WDR17: variants seen among roughly 807,000 people sequenced by gnomAD.
WDR17 encodes WD repeat domain 17.
In WDR17, 143 loss-of-function variants were observed where a neutral mutation model predicts 161.7. That is an observed-to-expected ratio of 0.88 (90% CI 0.77 to 1.02). The LOEUF (loss-of-function observed/expected upper bound fraction) is 1.02, where lower values mean the gene tolerates loss of function less well. Ranked by LOEUF, WDR17 falls within the 50% of genes least tolerant of loss-of-function variation. The pLI is 0.00. For synonymous variants in WDR17, 517 were observed against 515.6 expected (o/e 1.00, Z -0.04); for missense variants, 1,469 against 1,520.9 (o/e 0.97, Z 0.57).
chr4:176,101,475 A>G (rs1737818703), intron 1 of WDR17, among the ~76,000 whole-genome samples: 1 of 152,232 alleles, frequency 6.6e-6, no homozygotes, highest in Non-Finnish European at 1.5e-5. Flanking sequence ...AACCAGAGTC[A>G]GATACGACAG....
intron 1 of WDR17, among the ~76,000 whole-genome samples, chr4:176,077,983 AC>A (rs1734265273): frequency 6.6e-6 from 1 of 151,366 alleles, no homozygotes; most frequent in South Asian, 2.1e-4. Flanking sequence ...GCTTTCTGTC[AC>A]TAAATATTAG....
intron 18 of WDR17, among the ~76,000 whole-genome samples, chr4:176,156,687 A>T (rs1020102014): frequency 4.6e-5 from 7 of 152,080 alleles, no homozygotes; most frequent in Admixed American, 2.6e-4. Context: ...TAAAAAAAAA[A>T]AAAAAAATTA....
chr4:176,096,795 C>G (rs1309857302), intron 1 of WDR17, among the ~76,000 whole-genome samples: 1 of 151,688 alleles, frequency 6.6e-6, no homozygotes, highest in Non-Finnish European at 1.5e-5. Flanking sequence ...GCATTTTTTT[C>G]TATCCTAATT....
chr4:176,154,371 C>T (rs1747722650), intron 17 of WDR17, among the ~76,000 whole-genome samples: 2 of 152,080 alleles, frequency 1.3e-5, no homozygotes, highest in Non-Finnish European at 2.9e-5. Flanking sequence ...GTCCCAGCTA[C>T]TCAGGAGGCT....
At position 176,135,266 on chromosome 4, in the gene WDR17, T is replaced by C; in HGVS notation, c.1257T>C (p.Ser419=). The C allele has an allele frequency of 6.2e-7, 1 of 1,611,958 alleles. No homozygotes were observed. Among genetic ancestry groups the C allele is most frequent in the Non-Finnish European group, 8.5e-7 (1 of 1,178,314 alleles). Residue 419 remains serine (S), a synonymous_variant, in exon 8 of 29, where the codon TCT becomes TCC. Coordinates refer to ENST00000508596, the MANE Select transcript of WDR17 (RefSeq NM_181265.4). ...ATGAAGGTGTTATTTATTCCCTTTC[T>C]TGGGCTCCAGGTAAGAGATATTTTA... The part of the protein sequence containing the change: ...PGNEGVIYSL[S]WAPGGLNCIA...
intron 4 of WDR17, among the ~76,000 whole-genome samples, chr4:176,121,936 A>G (rs181114680): frequency 6.6e-6 from 1 of 152,350 alleles, no homozygotes. Flanking sequence ...AAGTGAAACC[A>G]TCTATACCCA....
chr4:176,174,433 CATAA>C (rs1399662037), intron 25 of WDR17, among the ~76,000 whole-genome samples, 180 bp from the exon 26 acceptor site: 1 of 152,030 alleles, frequency 6.6e-6, no homozygotes, highest in Non-Finnish European at 1.5e-5. Context: ...GATGGTATAG[CATAA>C]ATATCTGAAT....
At chr4:176,137,345 A>G (rs1408389421) in intron 8 of WDR17, among the ~76,000 whole-genome samples, 175 bp from the exon 9 acceptor site, 4 of 151,652 alleles carry the variant, frequency 2.6e-5, no homozygotes, top group African/African-American at 4.8e-5. Context: ...TGTGTAATGG[A>G]TACATTAACT....
intron 1 of WDR17, among the ~76,000 whole-genome samples, chr4:176,090,166 G>A (rs1050906051): frequency 6.6e-6 from 1 of 151,630 alleles, no homozygotes; most frequent in African/African-American, 2.4e-5. Context: ...TTTGGATCAT[G>A]GAGGCAGATC....
intron 1 of WDR17, among the ~76,000 whole-genome samples, chr4:176,107,461 T>C (rs940216248): frequency 2.0e-5 from 3 of 149,736 alleles, no homozygotes; most frequent in African/African-American, 7.4e-5. Context: ...AAGCAGGGTG[T>C]GGAAGAGATA....
At chr4:176,157,614 C>G (rs1206975788) in intron 18 of WDR17, among the ~76,000 whole-genome samples, 2 of 152,162 alleles carry the variant, frequency 1.3e-5, no homozygotes, top group Admixed American at 1.3e-4. Flanking sequence ...ATTTATTTCA[C>G]AAAATATTAT....
At chr4:176,175,080 A>G (rs1203363811) in intron 26 of WDR17, among the ~76,000 whole-genome samples, 1 of 152,170 alleles carries the variant, frequency 6.6e-6, no homozygotes, top group Non-Finnish European at 1.5e-5. Flanking sequence ...CCATGGTTAG[A>G]AGATAGATGC....
chr4:176,082,210 T>G (rs1316255581), intron 1 of WDR17, among the ~76,000 whole-genome samples: 1 of 152,094 alleles, frequency 6.6e-6, no homozygotes, highest in Non-Finnish European at 1.5e-5. Flanking sequence ...TATGTCACAT[T>G]AATGAGATAG....
chr4:176,085,433 T>C (rs1452154503), intron 1 of WDR17, among the ~76,000 whole-genome samples: 1 of 152,106 alleles, frequency 6.6e-6, no homozygotes, highest in Non-Finnish European at 1.5e-5. Context: ...TGAAACGATC[T>C]GGGCCTGGAA....
chr4:176,162,059 A>G lies in WDR17; in HGVS notation c.2751-16A>G, dbSNP rs779528764. ...ATACTTGTGTTTATATAGAATACAC[A>G]TTTTTTTCTTTCTAGACTCCTGCAC... On this transcript the variant is annotated splice_polypyrimidine_tract_variant and intron_variant, in intron 20 of 28. Coordinates refer to ENST00000508596, the MANE Select transcript of WDR17 (RefSeq NM_181265.4). 2 of 1,599,292 alleles carry G rather than the reference A, an allele frequency of 1.3e-6. No homozygotes were observed. The highest frequency in any genetic ancestry group is 2.7e-5 in the African/African-American group (2 of 74,142).
chr4:176,128,816 G>T lies in WDR17; in HGVS notation c.869G>T (p.Gly290Val). 1 of 1,604,460 alleles carries T rather than the reference G, an allele frequency of 6.2e-7. No individual in the cohort carries two copies. Among genetic ancestry groups the T allele is most frequent in the Non-Finnish European group, 8.5e-7 (1 of 1,175,658 alleles). Reference sequence around the variant, plus strand: ...GATAATCTTAAATTAAAGAAAACAGGATTTCACTGCTTACATGTACTTAAT... The same window carrying T: ...GATAATCTTAAATTAAAGAAAACAGTATTTCACTGCTTACATGTACTTAAT... ...PIDNLKLKKT[G>V]FHCLHVLNSP... The change falls in exon 6 of 29, where the codon GGA becomes GTA. Residue 290 changes from glycine to valine, a missense_variant. Gly to Val is a moderately radical substitution (Grantham distance 109, BLOSUM62 -3). Transcript: ENST00000508596.
intron 26 of WDR17, among the ~76,000 whole-genome samples, chr4:176,176,293 G>A (rs1413544815): frequency 1.3e-5 from 2 of 152,148 alleles, no homozygotes; most frequent in Non-Finnish European, 2.9e-5. Flanking sequence ...AAGAGAAATT[G>A]ATAATTTCCT....
chr4:176,097,961 C>T (rs1737170511), intron 1 of WDR17, among the ~76,000 whole-genome samples: 1 of 151,916 alleles, frequency 6.6e-6, no homozygotes, highest in African/African-American at 2.4e-5. Flanking sequence ...GGTTTTGAAA[C>T]ATACTAAAAG....
At chr4:176,145,382 T>C (rs1746003133) in intron 11 of WDR17, among the ~76,000 whole-genome samples, 1 of 152,208 alleles carries the variant, frequency 6.6e-6, no homozygotes, top group Admixed American at 6.5e-5. Flanking sequence ...TTCCAGGGGC[T>C]TCATAGTTGT....
Sources: allele counts gnomAD v4.1 joint callset (sites outside exome capture counted in the v4.1 genomes callset), GRCh38; gene constraint gnomAD v4.1.1; transcripts MANE v1.5; gene names NCBI Gene and HGNC (gene_info 2026-07-23, HGNC 2026-07-21).